Variants in TTC27 observed in about 807,000 individuals in gnomAD.
The protein encoded by TTC27 is tetratricopeptide repeat protein 27.
TTC27 carries 79 observed loss-of-function variants against 115.9 expected under a neutral mutation model. The ratio of observed to expected loss-of-function variants is 0.68; its 90% CI spans 0.57 to 0.82. The LOEUF is 0.82. TTC27 is among the 40% of genes least tolerant of loss of function. TTC27 has a pLI of 0.00. For synonymous variants in TTC27, 401 were observed against 356.0 expected, an observed-to-expected ratio of 1.13 and a Z score of -1.42; for missense variants, 1,054 against 993.1, an observed-to-expected ratio of 1.06 and a Z score of -0.82.
intron 10 of TTC27, among the ~76,000 whole-genome samples, 198 bp downstream of exon 10, chr2:32,703,118 C>T (rs989114922): frequency 6.6e-6 from 1 of 152,108 alleles, no homozygotes; most frequent in African/African-American, 2.4e-5. Context: ...TCTGTGAACT[C>T]GGTATTTAAC....
chr2:32,741,626 TG>T (rs1435999823), intron 12 of TTC27, among the ~76,000 whole-genome samples: 1 of 151,078 alleles, frequency 6.6e-6, no homozygotes, highest in Non-Finnish European at 1.5e-5. Context: ...CCCTCCAGCC[TG>T]GGTGACAGAG....
chr2:32,648,337 C>G (rs1664947137), intron 4 of TTC27, among the ~76,000 whole-genome samples: 2 of 151,962 alleles, frequency 1.3e-5, no homozygotes, highest in South Asian at 4.2e-4. Flanking sequence ...TCATGTTAGC[C>G]AGGCTGCTCT....
At chr2:32,690,970 G>A (rs1357479962) in intron 9 of TTC27, among the ~76,000 whole-genome samples, 1 of 152,162 alleles carries the variant, frequency 6.6e-6, no homozygotes, top group African/African-American at 2.4e-5. Context: ...ATCACGCACA[G>A]GAGAGCTCTG....
At chr2:32,768,313 G>A (rs1669709974) in intron 13 of TTC27, among the ~76,000 whole-genome samples, 1 of 152,174 alleles carries the variant, frequency 6.6e-6, no homozygotes, top group Non-Finnish European at 1.5e-5. Context: ...CCCAGATGGA[G>A]TAAAACCAAT....
chr2:32,684,461 G>GT (rs201329199), intron 9 of TTC27, among the ~76,000 whole-genome samples: 1,541 of 151,910 alleles, frequency 0.01, 14 homozygotes, highest in Middle Eastern at 0.027. Flanking sequence ...AAAAAAGTTT[G>GT]TTTAAGTGAG....
rs36120062 is a variant in TTC27, at chr2:32,723,971, C to CTTTTTTTTTT, written c.1234-9849_1234-9840dup. On this transcript the variant is annotated intron_variant, in intron 10 of 19. Transcript: ENST00000317907. ...TGAGCCACCAGCTGGCATACATAAG[C>CTTTTTTTTTT]TTTTTTTTTTTTTTTTTATAGAAAG... Among the ~76,000 whole-genome samples, 794 of 92,288 alleles carry CTTTTTTTTTT rather than the reference C, an allele frequency of 8.6e-3. 76 individuals are homozygous for CTTTTTTTTTT. The highest frequency in any genetic ancestry group is 0.03 in the African/African-American group (724 of 23,908). 60.5% of individuals were successfully genotyped at this position (92,288 alleles called of 152,430 possible).
At chr2:32,752,821 T>G (rs879935690) in intron 12 of TTC27, among the ~76,000 whole-genome samples, 5 of 152,208 alleles carry the variant, frequency 3.3e-5, no homozygotes, top group Non-Finnish European at 5.9e-5. Flanking sequence ...TTTAAATTCT[T>G]GGATCCTGCT....
At chr2:32,705,577 G>T (rs990621542) in intron 10 of TTC27, among the ~76,000 whole-genome samples, 1 of 152,050 alleles carries the variant, frequency 6.6e-6, no homozygotes, top group Admixed American at 6.6e-5. Flanking sequence ...TAGAGACAGG[G>T]TCTTGCTCTG....
intron 10 of TTC27, among the ~76,000 whole-genome samples, chr2:32,707,520 A>C (rs1025142035): frequency 6.6e-6 from 1 of 152,222 alleles, no homozygotes; most frequent in Non-Finnish European, 1.5e-5. Flanking sequence ...AACGAGAAAC[A>C]GAATTCTGTC....
chr2:32,809,851 G>T (rs1393033069), intron 16 of TTC27, among the ~76,000 whole-genome samples: 1 of 152,206 alleles, frequency 6.6e-6, no homozygotes, highest in East Asian at 1.9e-4. Context: ...GGGCGCAGTG[G>T]CTCATGCCTG....
chr2:32,725,953 T>TTGAGGCTTGCACCCTCTGAAGCCG (rs1668094205), intron 10 of TTC27, among the ~76,000 whole-genome samples: 1 of 151,548 alleles, frequency 6.6e-6, no homozygotes, highest in African/African-American at 2.4e-5. Context: ...GGCTTGAGGC[T>TTGAGGCTTGCACCCTCTGAAGCCG]TGAGGCTTGC....
chr2:32,649,405 G>T (rs1463473505), intron 4 of TTC27, among the ~76,000 whole-genome samples: 2 of 152,154 alleles, frequency 1.3e-5, no homozygotes, highest in Non-Finnish European at 1.5e-5. Context: ...GAATGTGTTT[G>T]CAAGGGAATT....
chr2:32,671,818 A>T (rs562315987), intron 7 of TTC27, among the ~76,000 whole-genome samples: 1 of 152,332 alleles, frequency 6.6e-6, no homozygotes, highest in East Asian at 1.9e-4. Flanking sequence ...TTTGATTAGA[A>T]TTTAGAGGCA....
chr2:32,802,640 CT>C (rs1386091931), intron 16 of TTC27, among the ~76,000 whole-genome samples: 5 of 152,204 alleles, frequency 3.3e-5, no homozygotes, highest in Admixed American at 1.3e-4. Context: ...AACACCATTG[CT>C]TTCTCCTTTC....
rs1669980209 is a variant in TTC27, at chr2:32,775,838, T to C, written c.1681-2044T>C. On this transcript the variant is annotated intron_variant, in intron 13 of 19. Coordinates refer to ENST00000317907, the MANE Select transcript of TTC27 (RefSeq NM_017735.5). ...ACACTTTAACATTGATGAAATATAA[T>C]ACACAGATTTTGAAACTTTTTACTT... is the stretch of plus-strand genomic sequence containing the variant. Among the ~76,000 whole-genome samples, 4 of 152,334 alleles carry C rather than the reference T, an allele frequency of 2.6e-5. No homozygotes were observed. In the South Asian group the frequency reaches 8.3e-4, roughly 32 times the overall value.
Position 32,666,714 on chromosome 2 carries a change from C to T in TTC27, c.885C>T (p.Val295=). 1 of 1,613,986 alleles carries T rather than the reference C, an allele frequency of 6.2e-7. No individual in the cohort carries two copies. The highest frequency in any genetic ancestry group is 8.5e-7 in the Non-Finnish European group (1 of 1,179,954). The change falls in exon 7 of 20, where the codon GTC becomes GTT. Residue 295 remains valine, a synonymous_variant. Transcript: ENST00000317907. ...LILDVRREGD[V]LSNCEFTPAP... ...TAGATGTAAGAAGGGAAGGGGATGT[C>T]CTTTCAAATTGTGAATTCACTCCAG...
chr2:32,692,975 C>CA (rs554664495), intron 9 of TTC27, among the ~76,000 whole-genome samples: 13,558 of 105,250 alleles, frequency 0.13, 809 homozygotes, highest in Middle Eastern at 0.23. Flanking sequence ...GACTCTGTCT[C>CA]AAAAAAAAAA....
At chr2:32,672,211 A>G (rs991732095) in intron 7 of TTC27, 61 bp from the exon 8 acceptor site, 3 of 1,248,190 alleles carry the variant, frequency 2.4e-6, no homozygotes, top group South Asian at 2.5e-5. Flanking sequence ...ATTACATGCC[A>G]TTCTGGTGAA....
At chr2:32,682,234 T>A (rs1666457569) in intron 9 of TTC27, among the ~76,000 whole-genome samples, 1 of 152,156 alleles carries the variant, frequency 6.6e-6, no homozygotes, top group Admixed American at 6.6e-5. Flanking sequence ...GTCACTTACT[T>A]GGTTCCATAA....
Sources: gnomAD v4.1 joint callset for allele counts (sites outside exome capture counted in the v4.1 genomes callset) on GRCh38, gnomAD v4.1.1 for gene constraint, MANE v1.5 for transcripts, NCBI Gene and HGNC (gene_info 2026-07-23, HGNC 2026-07-21) for gene names.